The following PPFIA1 variants were observed in gnomAD, a reference collection of about 807,000 sequenced individuals.
PPFIA1 encodes the protein PPFI scaffold protein A1.
PPFIA1 carries 25 observed loss-of-function variants against 149.9 expected under a neutral mutation model. The observed-to-expected ratio is 0.17, with a 90% CI of 0.12 to 0.23. The LOEUF (loss-of-function observed/expected upper bound fraction) is 0.23, where lower values mean the gene tolerates loss of function less well. Ranked by LOEUF, PPFIA1 falls within the 10% of genes least tolerant of loss-of-function variation. The probability of loss-of-function intolerance (pLI) is 1.00; values close to 1 mark genes in which losing one functional copy is unlikely to be tolerated. For missense variants in PPFIA1, 1,362 were observed against 1,506.5 expected, an observed-to-expected ratio of 0.90 and a Z score of 1.59; for synonymous variants, 549 against 552.8, an observed-to-expected ratio of 0.99 and a Z score of 0.10.
chr11:70,302,769 AT>A (rs55897136), intron 2 of PPFIA1, among the ~76,000 whole-genome samples: 21,126 of 127,766 alleles, frequency 0.17, 1,633 homozygotes, highest in Admixed American at 0.23. Context: ...TCTCAACACC[AT>A]TTTTTTTTTT....
intron 2 of PPFIA1, among the ~76,000 whole-genome samples, chr11:70,318,279 TTTG>T (rs1320082166): frequency 6.6e-6 from 1 of 152,198 alleles, no homozygotes; most frequent in Admixed American, 6.5e-5. Flanking sequence ...TGACATTGTG[TTTG>T]TTTTTTTCTG....
intron 2 of PPFIA1, among the ~76,000 whole-genome samples, chr11:70,275,580 T>C (rs983706443): frequency 2.6e-5 from 4 of 152,228 alleles, no homozygotes; most frequent in African/African-American, 9.6e-5. Context: ...TGACTTTGTT[T>C]ATGGTATGCG....
At position 70,383,008 on chromosome 11, in the gene PPFIA1, C is replaced by T. The variant is rs1026549101; in HGVS notation, c.*18C>T. ...TGTTTGTGTTTATTTTCCAGTTTACCCACACTACTTCTACAGATGATTATG... is the reference window on the plus strand; with the variant it reads ...TGTTTGTGTTTATTTTCCAGTTTACTCACACTACTTCTACAGATGATTATG... On this transcript the variant is annotated 3_prime_UTR_variant, in exon 28 of 28. Transcript: ENST00000253925. 2 of 404,254 alleles carry T rather than the reference C, an allele frequency of 4.9e-6. No individual in the cohort carries two copies. The highest frequency in any genetic ancestry group is 9.5e-6 in the Non-Finnish European group (2 of 210,636). The allele number at this position is 404,254 out of a possible 1,614,324, so 25.0% of individuals were successfully genotyped here. A position where few individuals can be genotyped will look rare whatever the true frequency, so the allele number is the denominator to read the frequency against.
intron 21 of PPFIA1, among the ~76,000 whole-genome samples, chr11:70,363,967 C>T (rs2056794028): frequency 6.6e-6 from 1 of 152,198 alleles, no homozygotes; most frequent in Non-Finnish European, 1.5e-5. Flanking sequence ...TCAAGCGATC[C>T]TCCTGCCTCA....
At chr11:70,301,959 T>C (rs988661693) in intron 2 of PPFIA1, among the ~76,000 whole-genome samples, 7 of 152,366 alleles carry the variant, frequency 4.6e-5, no homozygotes, top group Middle Eastern at 3.4e-3. Flanking sequence ...GCTGCTTTGC[T>C]CGGTTCCTTG....
rs117444351 is a variant in PPFIA1 at position 70,319,139 on chromosome 11, A to G, written c.265-5263A>G. Among the ~76,000 whole-genome samples the G allele has an allele frequency of 3.3e-4, 51 of 152,310 alleles. No homozygotes were observed. In the East Asian group the frequency reaches 8.1e-3, roughly 24 times the overall value. On this transcript the variant is annotated intron_variant, in intron 2 of 27. Coordinates refer to ENST00000253925, the MANE Select transcript of PPFIA1 (RefSeq NM_003626.5). Reference sequence around the variant, plus strand: ...GTAGTCACTCCCTTCTCAGGAACCAATGACTCCATCCTTCACTTGCTTCCG... The same window carrying G: ...GTAGTCACTCCCTTCTCAGGAACCAGTGACTCCATCCTTCACTTGCTTCCG...
intron 2 of PPFIA1, chr11:70,278,791 A>C (rs933654505): frequency 1.4e-5 from 5 of 348,776 alleles, no homozygotes; most frequent in Middle Eastern, 4.5e-4. Context: ...AACTTGCTCA[A>C]GTAGAATTAC....
intron 19 of PPFIA1, chr11:70,358,726 T>G (rs2056481813): frequency 6.6e-6 from 1 of 152,210 alleles, no homozygotes; most frequent in Non-Finnish European, 1.5e-5. Context: ...ACAGAGAACT[T>G]AAGGAATCTG....
chr11:70,272,088 T>C (rs909809256), intron 1 of PPFIA1, 85 bp from the exon 2 acceptor site: 170 of 1,416,454 alleles, frequency 1.2e-4, no homozygotes, highest in Non-Finnish European at 1.5e-4. Flanking sequence ...CCCATCTTTT[T>C]AGCTACAGAT....
chr11:70,368,735 C>T lies in PPFIA1; in HGVS notation c.2866-3480C>T, dbSNP rs552845113. On this transcript the variant is annotated intron_variant, in intron 21 of 27. Coordinates refer to ENST00000253925, the MANE Select transcript of PPFIA1 (RefSeq NM_003626.5). ...TTGCATCCTGCAACTTTGCTTAAAC[C>T]CACTTATTCTGATAGCTATTTTGTA... Among the ~76,000 whole-genome samples the T allele has an allele frequency of 2.0e-5, 3 of 152,256 alleles. No homozygotes were observed. In the South Asian group the frequency reaches 6.2e-4, roughly 32 times the overall value.
chr11:70,349,807 A>C, intron 16 of PPFIA1: 2 of 406,836 alleles, frequency 4.9e-6, no homozygotes, highest in Admixed American at 6.1e-5. Context: ...TCGTAAAAAC[A>C]GTTGTGTATG....
chr11:70,346,494 C>T (rs1343180852), intron 15 of PPFIA1, among the ~76,000 whole-genome samples: 1 of 151,988 alleles, frequency 6.6e-6, no homozygotes, highest in Non-Finnish European at 1.5e-5. Flanking sequence ...GGTGTGCTGC[C>T]TGTGTTTTTG....
intron 7 of PPFIA1, chr11:70,327,217 C>T (rs974433159): frequency 1.7e-5 from 3 of 177,814 alleles, no homozygotes; most frequent in Non-Finnish European, 3.6e-5. Context: ...ACATACTTAG[C>T]AAGCAGATAT....
chr11:70,313,223 TGATA>T (rs2053401231), intron 2 of PPFIA1, among the ~76,000 whole-genome samples: 1 of 152,222 alleles, frequency 6.6e-6, no homozygotes. Flanking sequence ...TGGTGTCACC[TGATA>T]GAGTATCAAG....
At chr11:70,319,901 C>G (rs1048599169) in intron 2 of PPFIA1, 1 of 152,230 alleles carries the variant, frequency 6.6e-6, no homozygotes, top group Non-Finnish European at 1.5e-5. Flanking sequence ...GTGCTGTGTC[C>G]TTCAGCAAAC....
chr11:70,289,013 G>A (rs918142130), intron 2 of PPFIA1, among the ~76,000 whole-genome samples: 18 of 148,176 alleles, frequency 1.2e-4, no homozygotes, highest in African/African-American at 4.0e-4. Flanking sequence ...TGTCGCCCAG[G>A]CTGGGGTGCA....
chr11:70,344,185 T>C (rs1483990634), intron 15 of PPFIA1, among the ~76,000 whole-genome samples: 1 of 152,182 alleles, frequency 6.6e-6, no homozygotes, highest in Non-Finnish European at 1.5e-5. Flanking sequence ...TGGAGGGTGC[T>C]GAAGGGGCTC....
intron 1 of PPFIA1, chr11:70,271,448 A>G (rs1306004523): frequency 6.6e-6 from 1 of 152,016 alleles, no homozygotes; most frequent in Non-Finnish European, 1.5e-5. Flanking sequence ...GACTCTCGTA[A>G]TCTCACCTTT....
intron 21 of PPFIA1, among the ~76,000 whole-genome samples, chr11:70,369,530 G>A (rs908847789): frequency 6.9e-6 from 1 of 145,314 alleles, no homozygotes; most frequent in Non-Finnish European, 1.5e-5. Context: ...GTAGAATCGT[G>A]GTTATTTATT....
Sources: gnomAD v4.1 joint callset for allele counts (sites outside exome capture counted in the v4.1 genomes callset) on GRCh38, gnomAD v4.1.1 for gene constraint, MANE v1.5 for transcripts, NCBI Gene and HGNC (gene_info 2026-07-23, HGNC 2026-07-21) for gene names.